Variants in NBAS observed in about 807,000 individuals in gnomAD.
NBAS encodes NBAS subunit of NRZ tethering complex, also known as NAG/BC035112 fusion.
In NBAS, 219 loss-of-function variants were observed where a neutral mutation model predicts 302.5. The ratio of observed to expected loss-of-function variants is 0.72; its 90% confidence interval spans 0.65 to 0.81. The LOEUF is 0.81. Among genes scored for constraint, NBAS ranks in the 30% least tolerant of loss-of-function variants. NBAS has a pLI of 0.00. For synonymous variants in NBAS, 1,118 were observed against 1,021.6 expected (o/e 1.09, Z -1.80); for missense variants, 2,932 against 2,841.6 (o/e 1.03, Z -0.72).
the NBAS span, among the ~76,000 whole-genome samples, chr2:14,891,365 T>G: frequency 1.3e-5 from 2 of 152,214 alleles, no homozygotes; most frequent in Non-Finnish European, 2.9e-5. Flanking sequence ...TAAAAGGAAT[T>G]AAATTAACAT....
chr2:15,508,296 A>C (rs1178747812), intron 10 of NBAS, among the ~76,000 whole-genome samples: 1 of 152,224 alleles, frequency 6.6e-6, no homozygotes, highest in Non-Finnish European at 1.5e-5. Flanking sequence ...AGGACCATAC[A>C]TAGCAGAGTA....
At chr2:15,287,797 C>G (rs141351224) in intron 41 of NBAS, among the ~76,000 whole-genome samples, 1 of 150,514 alleles carries the variant, frequency 6.6e-6, no homozygotes, top group Admixed American at 6.6e-5. Flanking sequence ...ACATCCTGAG[C>G]ACCCCGTGTA....
the NBAS span, among the ~76,000 whole-genome samples, chr2:15,126,550 GT>G: frequency 6.6e-6 from 1 of 152,078 alleles, no homozygotes; most frequent in Admixed American, 6.5e-5. Flanking sequence ...CAGATCAGAG[GT>G]ACCTCACCCG....
At chr2:14,811,537 G>A in the NBAS span, among the ~76,000 whole-genome samples, 67 of 152,294 alleles carry the variant, frequency 4.4e-4, no homozygotes, top group African/African-American at 1.6e-3. Flanking sequence ...TATCATGACC[G>A]GAAGGACATC....
chr2:15,245,810 T>C (rs996039160), intron 44 of NBAS, among the ~76,000 whole-genome samples: 3 of 152,208 alleles, frequency 2.0e-5, no homozygotes, highest in African/African-American at 4.8e-5. Flanking sequence ...ACAGTAAATA[T>C]GTTAGGCTTT....
the NBAS span, among the ~76,000 whole-genome samples, chr2:15,072,591 A>G: frequency 1.3e-5 from 2 of 152,258 alleles, no homozygotes; most frequent in Non-Finnish European, 2.9e-5. Flanking sequence ...TCCTATTTTA[A>G]CCTCGGTTTT....
chr2:15,462,756 T>C (rs546030226), intron 19 of NBAS, among the ~76,000 whole-genome samples: 2 of 152,022 alleles, frequency 1.3e-5, no homozygotes, highest in Non-Finnish European at 2.9e-5. Flanking sequence ...TGGACTAAGA[T>C]GTGAGTTAGA....
intron 36 of NBAS, among the ~76,000 whole-genome samples, chr2:15,330,265 C>T (rs1007674483): frequency 6.6e-6 from 1 of 152,172 alleles, no homozygotes; most frequent in African/African-American, 2.4e-5. Flanking sequence ...CCCAGTCTGC[C>T]TCCGAGCACT....
the NBAS span, among the ~76,000 whole-genome samples, chr2:14,938,028 T>G: frequency 6.6e-6 from 1 of 152,048 alleles, no homozygotes; most frequent in South Asian, 2.1e-4. Flanking sequence ...CTCAGGAGGC[T>G]GAGGCAGAAG....
intron 49 of NBAS, among the ~76,000 whole-genome samples, 181 bp from the exon 50 acceptor site, chr2:15,187,061 GTA>G (rs1310285215): frequency 1.3e-5 from 2 of 152,086 alleles, no homozygotes; most frequent in Non-Finnish European, 2.9e-5. Context: ...GCTTCCTGTG[GTA>G]TCAGCAAGCA....
chr2:15,015,849 T>A, the NBAS span, among the ~76,000 whole-genome samples: 1 of 152,030 alleles, frequency 6.6e-6, no homozygotes, highest in Non-Finnish European at 1.5e-5. Context: ...AGTCACATTG[T>A]CCCAGTTTGC....
At chr2:14,906,152 A>G in the NBAS span, among the ~76,000 whole-genome samples, 1 of 152,138 alleles carries the variant, frequency 6.6e-6, no homozygotes, top group East Asian at 1.9e-4. Context: ...TAGCAACAGT[A>G]CTAATAGTAG....
At chr2:15,217,589 G>A (rs1341432634) in intron 48 of NBAS, among the ~76,000 whole-genome samples, 2 of 152,198 alleles carry the variant, frequency 1.3e-5, no homozygotes, top group Non-Finnish European at 2.9e-5. Context: ...GATTATCTGG[G>A]AAGTCCTAAT....
At chr2:14,889,571 G>T in the NBAS span, among the ~76,000 whole-genome samples, 2 of 152,150 alleles carry the variant, frequency 1.3e-5, no homozygotes, top group African/African-American at 4.8e-5. Context: ...AAGAGATCCC[G>T]ACTCTCCACA....
chr2:15,482,175 G>C (rs760188242), intron 12 of NBAS, among the ~76,000 whole-genome samples: 15 of 152,154 alleles, frequency 9.9e-5, no homozygotes, highest in Non-Finnish European at 1.3e-4. Flanking sequence ...CTGTCACCCA[G>C]GTTGCAGTGC....
the NBAS span, among the ~76,000 whole-genome samples, chr2:15,060,304 C>T: frequency 1.3e-5 from 2 of 152,174 alleles, no homozygotes; most frequent in Non-Finnish European, 2.9e-5. Flanking sequence ...TCCCCACCTG[C>T]GTCCCCATGC....
intron 6 of NBAS, among the ~76,000 whole-genome samples, chr2:15,540,977 G>T (rs1663786983): frequency 6.6e-6 from 1 of 152,076 alleles, no homozygotes; most frequent in Non-Finnish European, 1.5e-5. Flanking sequence ...GCCCGCCTCA[G>T]CCTCCCAAAG....
chr2:15,332,786 G>A (rs1204817632), intron 35 of NBAS, among the ~76,000 whole-genome samples: 4 of 152,206 alleles, frequency 2.6e-5, no homozygotes, highest in African/African-American at 9.6e-5. Context: ...GTTCCAGATT[G>A]TGGCATATAC....
chr2:15,058,954 T>G, the NBAS span, among the ~76,000 whole-genome samples: 1 of 152,236 alleles, frequency 6.6e-6, no homozygotes, highest in Non-Finnish European at 1.5e-5. Flanking sequence ...GAGGCCTTGC[T>G]ACAAACACCA....
Sources: gnomAD v4.1 joint callset for allele counts (sites outside exome capture counted in the v4.1 genomes callset) on GRCh38, gnomAD v4.1.1 for gene constraint, MANE v1.5 for transcripts, NCBI Gene and HGNC (gene_info 2026-07-23, HGNC 2026-07-21) for gene names.